The following RNF14 variants were observed in gnomAD, a reference collection of about 807,000 sequenced individuals.
RNF14 encodes ring finger protein 14.
Under a neutral mutation model 52.6 loss-of-function variants are expected in RNF14, and 26 were observed. The observed-to-expected ratio is 0.49, with a 90% CI of 0.36 to 0.69. The LOEUF (loss-of-function observed/expected upper bound fraction) is 0.69. Among genes scored for constraint, RNF14 ranks in the 30% least tolerant of loss-of-function variants. RNF14 has a pLI of 0.00. For missense variants in RNF14, 404 were observed against 560.4 expected (o/e 0.72, Z 2.82); for synonymous variants, 194 against 202.0 (o/e 0.96, Z 0.34).
chr5:141,979,396 C>T (rs1202423116), intron 5 of RNF14, among the ~76,000 whole-genome samples: 1 of 152,022 alleles, frequency 6.6e-6, no homozygotes. Flanking sequence ...TTACAGGCAC[C>T]CGCCACCATG....
upstream of RNF14, chr5:141,954,868 G>A: frequency 7.1e-7 from 1 of 1,417,332 alleles, no homozygotes; most frequent in Admixed American, 2.2e-5. Context: ...TGCCAGGTGA[G>A]CCTAAGGAAG....
At chr5:141,957,671 G>A, upstream of RNF14, 1 of 1,614,200 alleles carries the variant, frequency 6.2e-7, no homozygotes, top group South Asian at 1.1e-5. The surrounding 1 kb of genome is among the most constrained non-coding windows in gnomAD (Gnocchi z 4.3). Flanking sequence ...GCCCCAGCTT[G>A]CCTCCGCCTC....
At chr5:141,978,886 A>G (rs1219357038) in intron 5 of RNF14, 56 bp downstream of exon 5, 3 of 1,568,820 alleles carry the variant, frequency 1.9e-6, no homozygotes, top group Non-Finnish European at 1.7e-6. Context: ...AAATGGAGAT[A>G]TCATCTCAGG....
chr5:141,990,197 T>G lies in RNF14; in HGVS notation c.*2407T>G, dbSNP rs894814634. On this transcript the variant is annotated 3_prime_UTR_variant, in exon 9 of 9. Transcript: ENST00000394520. ...CTTTTGTCTCAGTAAAATGAAAGAT[T>G]TGGGTAACTCCCCAAATGCCCTGTA... 2.0e-5 allele frequency: 3 copies of G among 152,088 alleles called. No homozygotes were observed. Among genetic ancestry groups the G allele is most frequent in the South Asian group, 2.1e-4 (1 of 4,816 alleles). The allele number at this position is 152,088 out of a possible 1,614,324, so 9.4% of individuals were successfully genotyped here. A position where few individuals can be genotyped will look rare whatever the true frequency, so the allele number is the denominator to read the frequency against.
chr5:141,977,512 G>GA (rs1320691432), intron 4 of RNF14, among the ~76,000 whole-genome samples: 1 of 152,210 alleles, frequency 6.6e-6, no homozygotes, highest in East Asian at 1.9e-4. Flanking sequence ...ATTTCTAATG[G>GA]AAAATTCTCC....
rs252108 is a variant in RNF14 at position 141,959,206 on chromosome 5, A to G, written c.-181+781A>G. The G allele has an allele frequency of 0.81, 123,404 of 152,228 alleles. 50,225 individuals are homozygous for G. Among genetic ancestry groups the G allele is most frequent in the East Asian group, 0.99 (5,140 of 5,178 alleles). The allele number at this position is 152,228 out of a possible 1,614,324, so 9.4% of individuals were successfully genotyped here. A position where few individuals can be genotyped will look rare whatever the true frequency, so the allele number is the denominator to read the frequency against. On this transcript the variant is annotated intron_variant, in intron 1 of 4. Coordinates refer to the RNF14 transcript ENST00000506822. ...CCACACCTTCCCCTCCCTTTCATCT[A>G]TGTCTTTCCCCCTTCCTCCAATTCT...
At chr5:141,965,546 C>A (rs899313460), upstream of RNF14, among the ~76,000 whole-genome samples, 1 of 152,190 alleles carries the variant, frequency 6.6e-6, no homozygotes, top group Non-Finnish European at 1.5e-5. Flanking sequence ...AAGGCCAGAA[C>A]TATTTTACTC....
Position 141,978,722 on chromosome 5 carries a change from C to T in RNF14, c.726C>T (p.Tyr242=), listed in dbSNP as rs779016312. ...ACTTCTTGGAGTGCAGGCATGTGTACTGCAAAGCCTGTCTGAAGGACTACT... is the reference window on the plus strand; with the variant it reads ...ACTTCTTGGAGTGCAGGCATGTGTATTGCAAAGCCTGTCTGAAGGACTACT... ...CMYFLECRHV[Y]CKACLKDYFE... Residue 242 remains tyrosine (Y), a synonymous_variant, in exon 5 of 9, where the codon TAC becomes TAT. Transcript: ENST00000394520. 6.2e-7 allele frequency: 1 copy of T among 1,614,018 alleles called. No individual in the cohort carries two copies. Among genetic ancestry groups the T allele is most frequent in the East Asian group, 2.2e-5 (1 of 44,890 alleles).
Position 141,978,849 on chromosome 5 carries a change from G to T in RNF14, c.834+19G>T. 6.2e-7 allele frequency: 1 copy of T among 1,606,216 alleles called. No homozygotes were observed. The highest frequency in any genetic ancestry group is 8.5e-7 in the Non-Finnish European group (1 of 1,174,176). The stretch of plus-strand genomic sequence containing the variant: ...TGGTCAGGTAACTGTTTACCCTGCT[G>T]ATGGTTGCCTCCTAATTCTCTTCCA... On this transcript the variant is annotated intron_variant, in intron 5 of 8. Coordinates refer to ENST00000394520, the MANE Select transcript of RNF14 (RefSeq NM_004290.5).
chr5:141,975,595 A>G (rs904512162), intron 4 of RNF14, among the ~76,000 whole-genome samples: 1 of 152,198 alleles, frequency 6.6e-6, no homozygotes, highest in African/African-American at 2.4e-5. Context: ...TCAACTCTTG[A>G]TTGAGACATA....
In RNF14 at chr5:141,988,396, AAT is replaced by A. The variant is rs1385348480; in HGVS notation, c.*611_*612del. On this transcript the variant is annotated 3_prime_UTR_variant, in exon 9 of 9. Transcript: ENST00000394520. ...TTTCAGAATGGAAATTTATAATATA[AAT>A]ATATGTTTTAATACCACAAACACTG... 6.6e-6 allele frequency: 1 copy of A among 152,240 alleles called. No individual in the cohort carries two copies. The highest frequency in any genetic ancestry group is 2.4e-5 in the African/African-American group (1 of 41,438). 9.4% of individuals were successfully genotyped at this position (152,240 alleles called of 1,614,324 possible).
intron 1 of RNF14, among the ~76,000 whole-genome samples, chr5:141,959,420 T>C (rs1753236429): frequency 6.6e-6 from 1 of 152,066 alleles, no homozygotes; most frequent in African/African-American, 2.4e-5. Context: ...TTGCTTCTTA[T>C]TGTGCCCTTC....
chr5:141,958,591 C>G (rs568252709), intron 1 of RNF14: 2 of 152,516 alleles, frequency 1.3e-5, no homozygotes, highest in South Asian at 4.1e-4. Context: ...GTTTACCTCT[C>G]TGTCTTGACT....
At position 141,983,508 on chromosome 5, in the gene RNF14, G is replaced by C. The variant is rs754453508; in HGVS notation, c.1192G>C (p.Glu398Gln). The C allele has an allele frequency of 1.9e-6, 3 of 1,611,952 alleles. No individual in the cohort carries two copies. Among genetic ancestry groups the C allele is most frequent in the Non-Finnish European group, 2.5e-6 (3 of 1,179,838 alleles). The change falls in exon 7 of 9, where the codon GAG becomes CAG. Residue 398 changes from glutamate to glutamine, a missense_variant. By Grantham distance (29) the Glu-to-Gln change is conservative (BLOSUM62 2). Transcript: ENST00000394520. ...LEEMESKEWL[E>Q]KNSKSCPCCG... ...AGAGATGGAAAGTAAGGAGTGGCTA[G>C]AGAAGAACTCAAAGAGCTGCCCATG...
upstream of RNF14, chr5:141,954,903 G>A (rs1174268714): frequency 1.3e-6 from 2 of 1,533,504 alleles, no homozygotes; most frequent in African/African-American, 2.8e-5. Context: ...TGCAGGTTAT[G>A]GGGGTGTCTG....
At chr5:141,976,365 G>A (rs1280228696) in intron 4 of RNF14, among the ~76,000 whole-genome samples, 1 of 152,224 alleles carries the variant, frequency 6.6e-6, no homozygotes, top group Non-Finnish European at 1.5e-5. Flanking sequence ...AACTGGATGC[G>A]TGGTTGTGGT....
chr5:141,979,451 C>T (rs1596692821), intron 5 of RNF14, among the ~76,000 whole-genome samples: 2 of 152,156 alleles, frequency 1.3e-5, no homozygotes, highest in African/African-American at 4.8e-5. Context: ...GGGGTTTCAC[C>T]ACGTTGGCCA....
At chr5:141,970,400 A>G (rs984040868) in intron 1 of RNF14, among the ~76,000 whole-genome samples, 2 of 152,210 alleles carry the variant, frequency 1.3e-5, no homozygotes, top group African/African-American at 4.8e-5. Flanking sequence ...AACAAAAAAC[A>G]AACTGAAGAG....
At chr5:141,984,782 T>A (rs751475701) in intron 7 of RNF14, 21 bp from the exon 8 acceptor site, 25 of 1,612,112 alleles carry the variant, frequency 1.6e-5, no homozygotes, top group Admixed American at 5.0e-5. Context: ...GATATTTTTC[T>A]CTTTCTATCC....
Sources: allele counts gnomAD v4.1 joint callset (sites outside exome capture counted in the v4.1 genomes callset), GRCh38; gene constraint gnomAD v4.1.1; non-coding constraint Gnocchi (gnomAD v3.1); transcripts MANE v1.5; gene names NCBI Gene and HGNC (gene_info 2026-07-23, HGNC 2026-07-21).